The following AATF variants were observed in gnomAD, a reference collection of about 807,000 sequenced individuals.
The protein encoded by AATF is protein AATF.
In AATF, 48 loss-of-function variants were observed where a neutral mutation model predicts 63.7. The ratio of observed to expected loss-of-function variants is 0.75; its 90% confidence interval spans 0.60 to 0.96. The LOEUF (loss-of-function observed/expected upper bound fraction) is 0.96, where lower values mean the gene tolerates loss of function less well. Ranked by LOEUF, AATF falls within the 40% of genes least tolerant of loss-of-function variation. The pLI, the probability that AATF is intolerant of heterozygous loss-of-function variation, is 0.00. For missense variants in AATF, 639 were observed against 685.7 expected (o/e 0.93, Z 0.76); for synonymous variants, 258 against 247.7 (o/e 1.04, Z -0.39).
rs539224783 is a variant in AATF at position 36,984,909 on chromosome 17, T to G, written c.833-1708T>G. ...CGTCCTGGCCTCCCACAGTTTTTTTTTTTTTTTTTTGAGACAGAGTCTCAC... is the reference window on the plus strand; with the variant it reads ...CGTCCTGGCCTCCCACAGTTTTTTTGTTTTTTTTTTGAGACAGAGTCTCAC... On this transcript the variant is annotated intron_variant, in intron 4 of 11. Transcript: ENST00000619387. Among the ~76,000 whole-genome samples the G allele has an allele frequency of 2.7e-5, 4 of 150,860 alleles. No homozygotes were observed. In the East Asian group the frequency reaches 5.8e-4, roughly 22 times the overall value.
chr17:36,970,009 A>G (rs192627057), intron 4 of AATF, among the ~76,000 whole-genome samples: 4 of 152,296 alleles, frequency 2.6e-5, no homozygotes, highest in East Asian at 1.9e-4. Context: ...GCTGAGTAGT[A>G]TCCCATTGTA....
chr17:37,047,273 G>A (rs2071701690), intron 11 of AATF, among the ~76,000 whole-genome samples: 1 of 152,250 alleles, frequency 6.6e-6, no homozygotes, highest in South Asian at 2.1e-4. Context: ...CTGAAGAGTG[G>A]CTCCTCCCCC....
intron 11 of AATF, among the ~76,000 whole-genome samples, chr17:37,047,451 G>A (rs979735127): frequency 3.3e-5 from 5 of 152,188 alleles, no homozygotes; most frequent in Non-Finnish European, 5.9e-5. Context: ...GCACAAGTGA[G>A]AAGAAAACCT....
At chr17:37,046,584 T>C (rs1425594629) in intron 11 of AATF, among the ~76,000 whole-genome samples, 11 of 152,142 alleles carry the variant, frequency 7.2e-5, no homozygotes. Context: ...GTACCCGATT[T>C]CTAAGCAAAA....
intron 11 of AATF, among the ~76,000 whole-genome samples, chr17:37,043,888 A>G (rs1748803196): frequency 6.6e-6 from 1 of 152,072 alleles, no homozygotes; most frequent in Non-Finnish European, 1.5e-5. Flanking sequence ...TAATTTTTTA[A>G]TTTCTGAGAA....
At chr17:36,985,970 A>T (rs1311028309) in intron 4 of AATF, among the ~76,000 whole-genome samples, 1 of 152,230 alleles carries the variant, frequency 6.6e-6, no homozygotes, top group African/African-American at 2.4e-5. Flanking sequence ...CTCAATGCCC[A>T]AATTTTTAAT....
intron 10 of AATF, among the ~76,000 whole-genome samples, chr17:37,024,255 C>T (rs1377494344): frequency 2.0e-5 from 3 of 152,174 alleles, no homozygotes; most frequent in Admixed American, 6.5e-5. Flanking sequence ...GGAAGACTTG[C>T]ACAAGACGAC....
At chr17:36,985,261 A>AGT (rs2071158960) in intron 4 of AATF, among the ~76,000 whole-genome samples, 1 of 151,756 alleles carries the variant, frequency 6.6e-6, no homozygotes, top group African/African-American at 2.4e-5. Flanking sequence ...AGGTTTGTTC[A>AGT]GTGTGTGTGG....
intron 4 of AATF, among the ~76,000 whole-genome samples, chr17:36,961,747 C>T (rs1400852046): frequency 1.3e-5 from 2 of 151,770 alleles, no homozygotes; most frequent in African/African-American, 4.8e-5. Context: ...GATCTCGGCT[C>T]ACTGCAACCT....
At chr17:37,001,141 A>T (rs2071291167) in intron 8 of AATF, among the ~76,000 whole-genome samples, 1 of 152,054 alleles carries the variant, frequency 6.6e-6, no homozygotes, top group South Asian at 2.1e-4. Context: ...CAACATAGGG[A>T]GACCCCGTCT....
chr17:37,004,459 G>A (rs2071326530), intron 8 of AATF, among the ~76,000 whole-genome samples: 1 of 152,146 alleles, frequency 6.6e-6, no homozygotes, highest in South Asian at 2.1e-4. Context: ...TTTAAGATAG[G>A]AGATGTATTT....
At position 37,056,613 on chromosome 17, in the gene AATF, C is replaced by T. The variant is rs377351813; in HGVS notation, c.1632C>T (p.Tyr544=). The change falls in exon 12 of 12, where the codon TAC becomes TAT. Residue 544 remains tyrosine, a synonymous_variant. Transcript: ENST00000619387. ...TMNDDARTEL[Y]RSLFGQLHPP... ...GTTTGTCTTTTAGGACAGAACTGTACCGCTCTCTTTTTGGCCAGCTCCACC... is the reference window on the plus strand; with the variant it reads ...GTTTGTCTTTTAGGACAGAACTGTATCGCTCTCTTTTTGGCCAGCTCCACC... 1.1e-5 allele frequency: 17 copies of T among 1,614,074 alleles called. No individual in the cohort carries two copies. In the African/African-American group the frequency reaches 2.1e-4, roughly 20 times the overall value.
rs1190696005 is a variant in AATF at position 36,981,254 on chromosome 17, A to G, written c.833-5363A>G. 2.6e-5 allele frequency among the ~76,000 whole-genome samples: 4 copies of G among 152,138 alleles called. 1 individual carries two copies. The highest frequency in any genetic ancestry group is 2.1e-4 in the South Asian group (1 of 4,828). ...TAGTCTTTTGTTGGATATTTTCACA[A>G]TTCTTGGGTATGCGATATGTTAGAG... On this transcript the variant is annotated intron_variant, in intron 4 of 11. Transcript: ENST00000619387.
At chr17:37,002,538 G>C (rs535124009) in intron 8 of AATF, among the ~76,000 whole-genome samples, 5 of 151,804 alleles carry the variant, frequency 3.3e-5, no homozygotes, top group Middle Eastern at 3.4e-3. Flanking sequence ...TAGCCGTGGT[G>C]GTGGGCGCCT....
chr17:37,036,532 T>A (rs1597735947), intron 11 of AATF, among the ~76,000 whole-genome samples: 2 of 152,182 alleles, frequency 1.3e-5, no homozygotes, highest in Admixed American at 1.3e-4. Context: ...GTGTTATCTA[T>A]TTAGTTAATT....
chr17:37,029,254 A>T (rs1411271383), intron 10 of AATF, among the ~76,000 whole-genome samples: 2 of 149,030 alleles, frequency 1.3e-5, no homozygotes, highest in East Asian at 4.0e-4. Flanking sequence ...TTACTTATTT[A>T]TTTTTTTGAG....
At chr17:37,039,547 A>G (rs2142310803) in intron 11 of AATF, among the ~76,000 whole-genome samples, 1 of 152,310 alleles carries the variant, frequency 6.6e-6, no homozygotes, top group Admixed American at 6.5e-5. Flanking sequence ...TCGGATTGAC[A>G]TAGTTTATAA....
At chr17:36,987,153 A>AT (rs11286976) in intron 5 of AATF, among the ~76,000 whole-genome samples, 5,971 of 121,332 alleles carry the variant, frequency 0.049, 372 homozygotes, top group African/African-American at 0.16. Flanking sequence ...ATGCCTGGCT[A>AT]TTTTTTTTTT....
At chr17:37,026,354 C>G (rs1316122518) in intron 10 of AATF, among the ~76,000 whole-genome samples, 1 of 152,210 alleles carries the variant, frequency 6.6e-6, no homozygotes, top group Non-Finnish European at 1.5e-5. Context: ...CCTGGCTCAT[C>G]TTGAGACCAT....
Sources: gnomAD v4.1 joint callset for allele counts (sites outside exome capture counted in the v4.1 genomes callset) on GRCh38, gnomAD v4.1.1 for gene constraint, MANE v1.5 for transcripts, NCBI Gene and HGNC (gene_info 2026-07-23, HGNC 2026-07-21) for gene names.